Variants in PIWIL3 observed in about 807,000 individuals in gnomAD.
PIWIL3 encodes piwi-like protein 3.
PIWIL3 carries 101 observed loss-of-function variants against 109.7 expected under a neutral mutation model. That is an observed-to-expected ratio of 0.92 (90% CI 0.78 to 1.09). The LOEUF (loss-of-function observed/expected upper bound fraction) is 1.09, where lower values mean the gene tolerates loss of function less well. PIWIL3 is among the 50% of genes least tolerant of loss of function. The pLI, the probability that PIWIL3 is intolerant of heterozygous loss-of-function variation, is 0.00. For missense variants in PIWIL3, 1,031 were observed against 1,072.6 expected, an observed-to-expected ratio of 0.96 and a Z score of 0.54; for synonymous variants, 373 against 376.4, an observed-to-expected ratio of 0.99 and a Z score of 0.10.
intron 19 of PIWIL3, 58 bp from the exon 20 acceptor site, chr22:24,719,953 CTTAA>C: frequency 7.3e-7 from 1 of 1,376,934 alleles, no homozygotes; most frequent in Non-Finnish European, 9.9e-7. Context: ...ATATAGTAAA[CTTAA>C]TGTCTGAAAT....
In PIWIL3 at chr22:24,728,292, C is replaced by T. The variant is rs1345842809; in HGVS notation, c.1790G>A (p.Ser597Asn). ...RYLCTKCPIPSQCVVKKTLEK... is the reference protein window; with the variant it reads ...RYLCTKCPIPNQCVVKKTLEK... ...TAAGGTCTTTTTCACCACACACTGG[C>T]TTGGAATTGGGCATTTGGTACATAG... is the stretch of plus-strand genomic sequence containing the variant. The change falls in exon 15 of 21, where the codon AGC becomes AAC. Residue 597 changes from serine (S) to asparagine (N), a missense_variant. Physicochemically the swap from Ser to Asn is conservative, Grantham distance 46. Transcript: ENST00000616349. 6.2e-7 allele frequency: 1 copy of T among 1,614,056 alleles called. No homozygotes were observed. The highest frequency in any genetic ancestry group is 8.5e-7 in the Non-Finnish European group (1 of 1,180,060).
chr22:24,750,746 C>T (rs1924659951), intron 9 of PIWIL3, among the ~76,000 whole-genome samples: 1 of 150,312 alleles, frequency 6.7e-6, no homozygotes, highest in Non-Finnish European at 1.5e-5. Flanking sequence ...CCTTGGCCTC[C>T]CAAAGTGCTG....
At chr22:24,726,035 A>G (rs546556388) in intron 16 of PIWIL3, among the ~76,000 whole-genome samples, 15 of 152,256 alleles carry the variant, frequency 9.9e-5, no homozygotes, top group Admixed American at 6.5e-4. Flanking sequence ...TGACATTGTG[A>G]TGTATCTGTC....
intron 1 of PIWIL3, among the ~76,000 whole-genome samples, chr22:24,770,431 CT>C (rs1262276197): frequency 7.9e-5 from 12 of 151,962 alleles, no homozygotes; most frequent in Admixed American, 5.9e-4. Context: ...ATTTGAAACC[CT>C]TTTTTTCACT....
chr22:24,749,572 G>A (rs544112964), intron 10 of PIWIL3, 51 bp from the exon 11 acceptor site: 18 of 1,611,016 alleles, frequency 1.1e-5, no homozygotes, highest in African/African-American at 1.1e-4. Context: ...TTTGAGTGAG[G>A]ACTAAATTAT....
chr22:24,737,359 T>C (rs920682564), intron 12 of PIWIL3, among the ~76,000 whole-genome samples: 1 of 152,068 alleles, frequency 6.6e-6, no homozygotes, highest in African/African-American at 2.4e-5. Context: ...AACCTGTTGC[T>C]TTGAAGGGAA....
chr22:24,746,195 A>G (rs1924357416), intron 12 of PIWIL3, among the ~76,000 whole-genome samples: 1 of 152,180 alleles, frequency 6.6e-6, no homozygotes, highest in Non-Finnish European at 1.5e-5. Flanking sequence ...TCAACAAAAT[A>G]CCAGCAAACA....
intron 12 of PIWIL3, among the ~76,000 whole-genome samples, chr22:24,740,735 AG>A (rs1376360609): frequency 6.6e-6 from 1 of 152,146 alleles, no homozygotes; most frequent in Non-Finnish European, 1.5e-5. Context: ...AACTCTGAAC[AG>A]GCCAATAACA....
At chr22:24,722,954 C>T (rs1044659008) in intron 19 of PIWIL3, among the ~76,000 whole-genome samples, 176 bp downstream of exon 19, 4 of 152,022 alleles carry the variant, frequency 2.6e-5, no homozygotes, top group African/African-American at 4.8e-5. Context: ...GAAGACTCAT[C>T]GCGATTTCTA....
At chr22:24,749,296 T>C (rs1924561647) in intron 11 of PIWIL3, 108 bp downstream of exon 11, 3 of 1,494,150 alleles carry the variant, frequency 2.0e-6, no homozygotes, top group Non-Finnish European at 2.7e-6. Context: ...ATTCTTCCCA[T>C]TGTCACTTGC....
chr22:24,772,456 G>C (rs79407904), intron 1 of PIWIL3, among the ~76,000 whole-genome samples: 5,873 of 152,240 alleles, frequency 0.039, 153 homozygotes, highest in African/African-American at 0.06. Context: ...TCATCTCTCT[G>C]AGACCCTGTT....
intron 1 of PIWIL3, among the ~76,000 whole-genome samples, chr22:24,771,069 C>A (rs1054118508): frequency 6.6e-6 from 1 of 152,012 alleles, no homozygotes; most frequent in Non-Finnish European, 1.5e-5. Flanking sequence ...GCTCCCCATG[C>A]CAAGTTTCCC....
intron 12 of PIWIL3, among the ~76,000 whole-genome samples, chr22:24,741,140 C>T (rs1386833574): frequency 6.6e-6 from 1 of 152,164 alleles, no homozygotes; most frequent in Non-Finnish European, 1.5e-5. Flanking sequence ...ACCACACAAA[C>T]AGGATTAAAA....
intron 4 of PIWIL3, among the ~76,000 whole-genome samples, chr22:24,757,673 C>T (rs1925159036): frequency 1.5e-5 from 2 of 133,682 alleles, no homozygotes; most frequent in African/African-American, 5.5e-5. Context: ...CACACACACA[C>T]ACACACACAC....
At chr22:24,757,810 C>T (rs1401126578) in intron 4 of PIWIL3, 98 bp downstream of exon 4, 1 of 1,395,368 alleles carries the variant, frequency 7.2e-7, no homozygotes, top group African/African-American at 1.5e-5. Context: ...TGTACTCCAG[C>T]CTGGGCGACA....
chr22:24,722,985 G>A (rs989697660), intron 19 of PIWIL3, 145 bp downstream of exon 19: 33 of 887,366 alleles, frequency 3.7e-5, no homozygotes, highest in Non-Finnish European at 5.4e-5. Flanking sequence ...AGGAATCTCT[G>A]CCCAATAGTA....
At position 24,745,088 on chromosome 22, in the gene PIWIL3, C is replaced by T. The variant is rs926315914; in HGVS notation, c.1449+3819G>A. ...CGAGGAATTTTGGAAACTATACAAA[C>T]ACATGGAAACTAAACAATATGCTCC... On this transcript the variant is annotated intron_variant, in intron 12 of 20. Coordinates refer to ENST00000616349, the MANE Select transcript of PIWIL3 (RefSeq NM_001255975.1). 4.6e-5 allele frequency among the ~76,000 whole-genome samples: 7 copies of T among 152,116 alleles called. No individual in the cohort carries two copies. In the South Asian group the frequency reaches 6.2e-4, roughly 14 times the overall value.
At chr22:24,756,015 T>A (rs948430248) in intron 5 of PIWIL3, 110 bp from the exon 6 acceptor site, 67 of 1,180,226 alleles carry the variant, frequency 5.7e-5, no homozygotes, top group Non-Finnish European at 7.9e-5. Context: ...ACCATCGTGA[T>A]GGAGCAGTCT....
chr22:24,740,904 A>G (rs940448880), intron 12 of PIWIL3, among the ~76,000 whole-genome samples: 5 of 152,236 alleles, frequency 3.3e-5, no homozygotes, highest in Non-Finnish European at 5.9e-5. Context: ...CTCCTAAATC[A>G]TTCTATGAAG....
Sources: gnomAD v4.1 joint callset for allele counts (sites outside exome capture counted in the v4.1 genomes callset) on GRCh38, gnomAD v4.1.1 for gene constraint, MANE v1.5 for transcripts, NCBI Gene and HGNC (gene_info 2026-07-23, HGNC 2026-07-21) for gene names.